The following TMEM67 variants were observed in gnomAD, a reference collection of about 807,000 sequenced individuals.
TMEM67 encodes meckelin.
A neutral mutation model predicts 136.6 loss-of-function variants in TMEM67; 124 were observed. The observed-to-expected ratio is 0.91, with a 90% CI of 0.78 to 1.05. The LOEUF (loss-of-function observed/expected upper bound fraction) is 1.05. TMEM67 is among the 50% of genes least tolerant of loss of function. The pLI is 0.00. For synonymous variants in TMEM67, 364 were observed against 390.5 expected (o/e 0.93, Z 0.80); for missense variants, 1,107 against 1,178.4 (o/e 0.94, Z 0.89).
At position 93,786,252 on chromosome 8, in the gene TMEM67, C is replaced by A; in HGVS notation, c.1318C>A (p.Arg440=). The A allele has an allele frequency of 6.2e-7, 1 of 1,613,994 alleles. No individual in the cohort carries two copies. The highest frequency in any genetic ancestry group is 8.5e-7 in the Non-Finnish European group (1 of 1,179,966). The part of the protein sequence containing the change: ...DSNSGKWLLT[R]RIFLVDAVSG... ...CAACTCTGGAAAGTGGCTTCTAACT[C>A]GGCGCATTTTCTTAGTGGATGCAGT... The change falls in exon 13 of 28, where the codon CGG becomes AGG. Residue 440 remains arginine, a synonymous_variant. Transcript: ENST00000453321.
chr8:93,813,867 A>G (rs1808796250), intron 26 of TMEM67, among the ~76,000 whole-genome samples: 1 of 152,182 alleles, frequency 6.6e-6, no homozygotes, highest in Non-Finnish European at 1.5e-5. Flanking sequence ...AAAATCACCA[A>G]GAGAGAGCAT....
chr8:93,825,946 C>G, the TMEM67 span, among the ~76,000 whole-genome samples: 1 of 152,004 alleles, frequency 6.6e-6, no homozygotes, highest in African/African-American at 2.4e-5. Context: ...TACTTGGCCT[C>G]CTATGATGGT....
the TMEM67 span, among the ~76,000 whole-genome samples, chr8:93,829,361 G>GCTCT: frequency 2.5e-3 from 364 of 148,494 alleles, no homozygotes; most frequent in African/African-American, 7.8e-3. Flanking sequence ...CTTTATGAGT[G>GCTCT]CTCTCTCTCT....
At chr8:93,757,881 C>T (rs1020256858) in intron 2 of TMEM67, among the ~76,000 whole-genome samples, 3 of 151,866 alleles carry the variant, frequency 2.0e-5, no homozygotes, top group African/African-American at 7.3e-5. Context: ...GTGCCTCAGC[C>T]TCCCAAGTAG....
At chr8:93,761,445 C>T (rs1158211259) in intron 3 of TMEM67, among the ~76,000 whole-genome samples, 1 of 152,202 alleles carries the variant, frequency 6.6e-6, no homozygotes, top group Non-Finnish European at 1.5e-5. Flanking sequence ...ATTAAAAATA[C>T]AGATTATCTT....
In TMEM67 at chr8:93,765,771, C is replaced by G. The variant is rs1291787607; in HGVS notation, c.651+125C>G. 3 of 728,016 alleles carry G rather than the reference C, an allele frequency of 4.1e-6. No individual in the cohort carries two copies. In the East Asian group the frequency reaches 8.0e-5, roughly 19 times the overall value. The allele number at this position is 728,016 out of a possible 1,614,324, so 45.1% of individuals were successfully genotyped here. A position where few individuals can be genotyped will look rare whatever the true frequency, so the allele number is the denominator to read the frequency against. On this transcript the variant is annotated intron_variant, in intron 6 of 27. Coordinates refer to ENST00000453321, the MANE Select transcript of TMEM67 (RefSeq NM_153704.6). ...CATTTTAAAACAGAAAAAAATCAAT[C>G]TAAGAAACATTAGTCTAATAATTCA...
intron 22 of TMEM67, among the ~76,000 whole-genome samples, chr8:93,804,310 C>CTTTTTTTTTTTTTTTTTTTTTTTTTTTT (rs1182297223): frequency 1.1e-5 from 1 of 93,810 alleles, no homozygotes. Flanking sequence ...CTTTTCTTTT[C>CTTTTTTTTTTTTTTTTTTTTTTTTTTTT]TTTTTTTTTT....
chr8:93,813,113 TCTC>T (rs1808764526), intron 26 of TMEM67, among the ~76,000 whole-genome samples: 1 of 152,152 alleles, frequency 6.6e-6, no homozygotes, highest in South Asian at 2.1e-4. Context: ...CTTTGTTCCT[TCTC>T]CTGCAGTCTT....
chr8:93,831,039 C>T, the TMEM67 span, among the ~76,000 whole-genome samples: 1 of 152,230 alleles, frequency 6.6e-6, no homozygotes, highest in East Asian at 1.9e-4. Context: ...TTGAGACCCA[C>T]AGCACATCTG....
chr8:93,759,709 G>T, intron 3 of TMEM67: 1 of 219,040 alleles, frequency 4.6e-6, no homozygotes, highest in Non-Finnish European at 8.8e-6. Context: ...AGAGTGCAAT[G>T]GTGTGATCTT....
intron 23 of TMEM67, among the ~76,000 whole-genome samples, chr8:93,807,855 T>A (rs1387083132): frequency 6.6e-6 from 1 of 151,980 alleles, no homozygotes. Flanking sequence ...AGTCGAACCT[T>A]GAAGCATCAA....
At chr8:93,802,092 C>A (rs1814895121) in intron 21 of TMEM67, among the ~76,000 whole-genome samples, 1 of 152,052 alleles carries the variant, frequency 6.6e-6, no homozygotes, top group African/African-American at 2.4e-5. Flanking sequence ...TCAAAGAGAA[C>A]CTTGTCTTTC....
At chr8:93,767,560 T>C (rs1179064480) in intron 6 of TMEM67, among the ~76,000 whole-genome samples, 1 of 152,222 alleles carries the variant, frequency 6.6e-6, no homozygotes, top group Non-Finnish European at 1.5e-5. Flanking sequence ...GAACTATCTC[T>C]TCTTCCCCAT....
chr8:93,781,121 T>C, intron 9 of TMEM67, 139 bp downstream of exon 9: 1 of 674,742 alleles, frequency 1.5e-6, no homozygotes, highest in Non-Finnish European at 2.7e-6. Flanking sequence ...CAACAACTCA[T>C]AAGAACTAAA....
intron 1 of TMEM67, 82 bp from the exon 2 acceptor site, chr8:93,755,696 A>T (rs141289982): frequency 1.1e-6 from 1 of 924,838 alleles, no homozygotes; most frequent in East Asian, 2.7e-5. Flanking sequence ...CTTCAGACTT[A>T]TTAAAAGTTT....
intron 4 of TMEM67, among the ~76,000 whole-genome samples, chr8:93,764,617 T>A (rs1258921867): frequency 1.3e-5 from 2 of 152,136 alleles, no homozygotes; most frequent in African/African-American, 2.4e-5. Flanking sequence ...ATGACTTCCC[T>A]CCGGGCACAG....
chr8:93,810,341 G>T (rs1808654014), intron 26 of TMEM67, among the ~76,000 whole-genome samples: 1 of 151,120 alleles, frequency 6.6e-6, no homozygotes, highest in South Asian at 2.1e-4. Flanking sequence ...AGCACTTTGG[G>T]AGGCCGAGGC....
chr8:93,809,818 A>G lies in TMEM67; in HGVS notation c.2695A>G (p.Lys899Glu). 1 of 1,604,796 alleles carries G rather than the reference A, an allele frequency of 6.2e-7. No individual in the cohort carries two copies. Among genetic ancestry groups the G allele is most frequent in the Non-Finnish European group, 8.5e-7 (1 of 1,172,422 alleles). ...HKEMDYFIKDKLLLERILGME... is the reference protein window; with the variant it reads ...HKEMDYFIKDELLLERILGME... ...GGAAATGGATTACTTTATAAAAGAT[A>G]AGTTGCTTCTTGAAAGAATTCTTGG... is the stretch of plus-strand genomic sequence containing the variant. The change falls in exon 26 of 28, where the codon AAG (lysine) becomes GAG (glutamate). Residue 899 changes from lysine to glutamate, a missense_variant. Transcript: ENST00000453321.
intron 21 of TMEM67, 25 bp from the exon 22 acceptor site, chr8:93,803,579 G>C: frequency 7.1e-7 from 1 of 1,410,528 alleles, no homozygotes; most frequent in Non-Finnish European, 1.0e-6. Flanking sequence ...AAGCTAATAA[G>C]CATAAACTTG....
Sources: gnomAD v4.1 joint callset for allele counts (sites outside exome capture counted in the v4.1 genomes callset) on GRCh38, gnomAD v4.1.1 for gene constraint, MANE v1.5 for transcripts, NCBI Gene and HGNC (gene_info 2026-07-23, HGNC 2026-07-21) for gene names.